The following IFNL3 variants were observed in gnomAD, a reference collection of about 807,000 sequenced individuals.
IFNL3 encodes the protein interferon lambda-3.
In IFNL3, 16 loss-of-function variants were observed where a neutral mutation model predicts 16.3. That is an observed-to-expected ratio of 0.98 (90% CI 0.67 to 1.50). The LOEUF (loss-of-function observed/expected upper bound fraction) is 1.50. IFNL3 is among the 40% of genes most tolerant of loss of function. The probability of loss-of-function intolerance (pLI) is 0.00; values close to 1 mark genes in which losing one functional copy is unlikely to be tolerated. For synonymous variants in IFNL3, 115 were observed against 115.3 expected, an observed-to-expected ratio of 1.00 and a Z score of 0.02; for missense variants, 254 against 253.5, an observed-to-expected ratio of 1.00 and a Z score of -0.01.
rs201120334 is a variant in IFNL3, at chr19:39,244,195, T to C, written c.259-38A>G. The C allele has an allele frequency of 5.6e-5, 90 of 1,604,318 alleles. No homozygotes were observed. The South Asian group carries it at 9.8e-4, about 18-fold the overall frequency. The stretch of plus-strand genomic sequence containing the variant: ...GAGAAAGAGCAGGTGAGGGGGGAGG[T>C]GAGGGGAACAGGTTGGGGGAGGAGG... On this transcript the variant is annotated intron_variant, in intron 2 of 4. Coordinates refer to ENST00000413851, the MANE Select transcript of IFNL3 (RefSeq NM_172139.4).
rs768807826 is a variant in IFNL3, at chr19:39,244,838, A to G, written c.130T>C (p.Ser44Pro). 5.6e-6 allele frequency: 9 copies of G among 1,613,770 alleles called. No individual in the cohort carries two copies. The highest frequency in any genetic ancestry group is 7.6e-6 in the Non-Finnish European group (9 of 1,179,844). The change falls in exon 1 of 5, where the codon TCC becomes CCC. Residue 44 changes from serine (S) to proline (P), a missense_variant. By Grantham distance (74) the Ser-to-Pro change is moderately conservative. Coordinates refer to ENST00000413851, the MANE Select transcript of IFNL3 (RefSeq NM_172139.4). The part of the protein sequence containing the change: ...ARGCHIAQFK[S>P]LSPQELQAFK... ...GCCTGCAGCTCCTGTGGAGACAGGGACTTGAACTGGGCTATGTGGCAGCCC... is the reference window on the plus strand; with the variant it reads ...GCCTGCAGCTCCTGTGGAGACAGGGGCTTGAACTGGGCTATGTGGCAGCCC...
rs1439341764 is a variant in IFNL3 at position 39,244,647 on chromosome 19, C to T, written c.180+141G>A. On this transcript the variant is annotated intron_variant, in intron 1 of 4. Coordinates refer to ENST00000413851, the MANE Select transcript of IFNL3 (RefSeq NM_172139.4). ...TTCTTCAGGAAAACATGAGTCAGTCCCTGCAGTAGGAGCATGAGATAGCCC... is the reference window on the plus strand; with the variant it reads ...TTCTTCAGGAAAACATGAGTCAGTCTCTGCAGTAGGAGCATGAGATAGCCC... The T allele has an allele frequency of 2.9e-6, 4 of 1,378,414 alleles. No individual in the cohort carries two copies. The East Asian group carries it at 7.4e-5, about 26-fold the overall frequency. 85.4% of individuals were successfully genotyped at this position (1,378,414 alleles called of 1,614,324 possible). A position where few individuals can be genotyped will look rare whatever the true frequency, so the allele number is the denominator to read the frequency against.
upstream of IFNL3, chr19:39,245,175 C>T (rs201278888): frequency 4.7e-4 from 476 of 1,012,942 alleles, 3 homozygotes; most frequent in African/African-American, 7.3e-3. Flanking sequence ...TTTCAGTCCC[C>T]TCTTCTGGAT....
At position 39,244,042 on chromosome 19, in the gene IFNL3, G is replaced by T. The variant is rs2074929503; in HGVS notation, c.374C>A (p.Thr125Asn). Residue 125 changes from threonine (T) to asparagine (N), a missense_variant, in exon 3 of 5, where the codon ACC becomes AAC. Transcript: ENST00000413851. ...LGDVLDQPLH[T>N]LHHILSQLRA... Reference sequence around the variant, plus strand: ...GAGCTGGGAGAGGATATGGTGCAGGGTGTGAAGGGGCTGGTCCAAGACATC... The same window carrying T: ...GAGCTGGGAGAGGATATGGTGCAGGTTGTGAAGGGGCTGGTCCAAGACATC... The T allele has an allele frequency of 1.2e-6, 2 of 1,614,218 alleles. No individual in the cohort carries two copies. Among genetic ancestry groups the T allele is most frequent in the Non-Finnish European group, 1.7e-6 (2 of 1,180,048 alleles).
intron 2 of IFNL3, 115 bp downstream of exon 2, chr19:39,244,302 A>T (rs567075689): frequency 6.8e-7 from 1 of 1,471,700 alleles, no homozygotes; most frequent in African/African-American, 1.4e-5. Flanking sequence ...GGGAAGGGGT[A>T]GCAGGTGTGG....
In IFNL3 at chr19:39,244,662, T is replaced by C. The variant is rs2074935418; in HGVS notation, c.180+126A>G. 34 of 1,368,640 alleles carry C rather than the reference T, an allele frequency of 2.5e-5. 1 individual carries two copies. The South Asian group carries it at 4.6e-4, about 18-fold the overall frequency. The allele number at this position is 1,368,640 out of a possible 1,614,324, so 84.8% of individuals were successfully genotyped here. ...TGAGTCAGTCCCTGCAGTAGGAGCA[T>C]GAGATAGCCCACTGCAGGGAGGGTG... On this transcript the variant is annotated intron_variant, in intron 1 of 4. Transcript: ENST00000413851.
chr19:39,243,558 G>A lies in IFNL3; in HGVS notation c.*74C>T, dbSNP rs1000017325. 8.2e-6 allele frequency: 12 copies of A among 1,459,424 alleles called. No homozygotes were observed. Among genetic ancestry groups the A allele is most frequent in the African/African-American group, 4.3e-5 (3 of 70,538 alleles). The allele number at this position is 1,459,424 out of a possible 1,614,324, so 90.4% of individuals were successfully genotyped here. On this transcript the variant is annotated 3_prime_UTR_variant, in exon 5 of 5. Transcript: ENST00000413851. The stretch of plus-strand genomic sequence containing the variant: ...TTACATACACAAATACATAAATAGC[G>A]ACTGGGTGACAATAAATTAAGCCAA...
At position 39,244,975 on chromosome 19, in the gene IFNL3, T is replaced by A. The variant is rs775284197; in HGVS notation, c.-8A>T. ...CATGCAGTCCCCGGTCATGTCTGTG[T>A]CACAGAGAGAAAGGGAGCTGAGGGA... On this transcript the variant is annotated 5_prime_UTR_variant, in exon 1 of 5. Coordinates refer to ENST00000413851, the MANE Select transcript of IFNL3 (RefSeq NM_172139.4). The A allele has an allele frequency of 3.7e-6, 6 of 1,613,898 alleles. No homozygotes were observed. In the Admixed American group the frequency reaches 8.3e-5, roughly 22 times the overall value.
intron 3 of IFNL3, 24 bp from the exon 4 acceptor site, chr19:39,243,931 G>A (rs759548501): frequency 1.6e-5 from 25 of 1,611,920 alleles, no homozygotes; most frequent in Non-Finnish European, 2.0e-5. Context: ...AGGGCGGTGT[G>A]TGAGCCGGGG....
Position 39,244,088 on chromosome 19 carries a change from C to A in IFNL3, c.328G>T (p.Asp110Tyr). Reference protein sequence around the residue: ...LTLKVLEATADTDPALGDVLD... With the variant: ...LTLKVLEATAYTDPALGDVLD... The stretch of plus-strand genomic sequence containing the variant: ...ACATCCCCCAGGGCTGGGTCAGTGT[C>A]AGCGGTGGCCTCCAGAACCTTCAGC... Residue 110 changes from aspartate to tyrosine, a missense_variant, in exon 3 of 5, where the codon GAC becomes TAC. Coordinates refer to ENST00000413851, the MANE Select transcript of IFNL3 (RefSeq NM_172139.4). 2 of 1,614,146 alleles carry A rather than the reference C, an allele frequency of 1.2e-6. No homozygotes were observed. Among genetic ancestry groups the A allele is most frequent in the South Asian group, 2.2e-5 (2 of 91,080 alleles).
At position 39,243,674 on chromosome 19, in the gene IFNL3, C is replaced by A. The variant is rs201746548; in HGVS notation, c.549G>T (p.Thr183=). The A allele has an allele frequency of 2.5e-6, 4 of 1,606,360 alleles. No individual in the cohort carries two copies. The African/African-American group carries it at 5.4e-5, about 21-fold the overall frequency. Residue 183 remains threonine, a synonymous_variant, in exon 5 of 5, where the codon ACG becomes ACT. Transcript: ENST00000413851. ...SVTFNLFRLL[T]RDLNCVASGD... ...CGCTGGCAACACAATTCAGGTCTCG[C>A]GTGAGGAGGCGGAAGAGGTTGAAGG...
intron 2 of IFNL3, 75 bp from the exon 3 acceptor site, chr19:39,244,232 C>T: frequency 6.3e-7 from 1 of 1,584,386 alleles, no homozygotes; most frequent in East Asian, 2.3e-5. Context: ...TAGAGAGGAA[C>T]AAGTGAAGGT....
rs201228830 is a variant in IFNL3 at position 39,244,943 on chromosome 19, G to A, written c.25C>T (p.Leu9=). The A allele has an allele frequency of 1.1e-5, 17 of 1,613,888 alleles. No individual in the cohort carries two copies. The highest frequency in any genetic ancestry group is 3.3e-4 in the Middle Eastern group (2 of 6,078). Residue 9 remains leucine (L), a synonymous_variant, in exon 1 of 5, where the codon CTG becomes TTG. Transcript: ENST00000413851. ...GTCAGCACTGCGGCCATCAGCACCA[G>A]CACTGGCATGCAGTCCCCGGTCATG... MTGDCMPV[L]VLMAAVLTVT... is the part of the protein sequence containing the mutation.
In IFNL3 at chr19:39,243,917, G is replaced by T. The variant is rs772361828; in HGVS notation, c.409-10C>A. On this transcript the variant is annotated splice_polypyrimidine_tract_variant and intron_variant, in intron 3 of 4. Coordinates refer to ENST00000413851, the MANE Select transcript of IFNL3 (RefSeq NM_172139.4). ...TGGGCTGAGGCTGGATCTGTGGGCAGAGGAGGGCGGTGTGTGAGCCGGGGC... is the reference window on the plus strand; with the variant it reads ...TGGGCTGAGGCTGGATCTGTGGGCATAGGAGGGCGGTGTGTGAGCCGGGGC... The T allele has an allele frequency of 4.3e-6, 7 of 1,612,562 alleles. No individual in the cohort carries two copies. Among genetic ancestry groups the T allele is most frequent in the African/African-American group, 1.3e-5 (1 of 74,938 alleles).
At chr19:39,243,497 T>C (rs1457502702), downstream of IFNL3, 10 of 1,077,694 alleles carry the variant, frequency 9.3e-6, no homozygotes, top group Non-Finnish European at 1.2e-5. Flanking sequence ...TTTCAAAAAG[T>C]AGAAAAATAA....
chr19:39,244,567 T>C (rs2074934660), intron 1 of IFNL3, 73 bp from the exon 2 acceptor site: 8 of 1,506,164 alleles, frequency 5.3e-6, no homozygotes, highest in South Asian at 3.6e-5. Context: ...GATTGGAGGA[T>C]GGCTGACAAC....
rs528511184 is a variant in IFNL3 at position 39,243,874 on chromosome 19, G to A, written c.442C>T (p.Arg148Trp). 23 of 1,613,762 alleles carry A rather than the reference G, an allele frequency of 1.4e-5. No individual in the cohort carries two copies. The highest frequency in any genetic ancestry group is 8.9e-5 in the East Asian group (4 of 44,880). The change falls in exon 4 of 5, where the codon CGG becomes TGG. Residue 148 changes from arginine to tryptophan, a missense_variant. Coordinates refer to ENST00000413851, the MANE Select transcript of IFNL3 (RefSeq NM_172139.4). The part of the protein sequence containing the change: ...QPQPTAGPRT[R>W]GRLHHWLHRL... ...TGCAGCCAATGGTGGAGGCGGCCCC[G>A]GGTCCTGGGCCCTGCCGTGGGCTGA...
Position 39,244,888 on chromosome 19 carries a change from A to T in IFNL3, c.80T>A (p.Leu27His), listed in dbSNP as rs549676428. Reference protein sequence around the residue: ...TVTGAVPVARLRGALPDARGC... With the variant: ...TVTGAVPVARHRGALPDARGC... ...CCTTGCATCCGGGAGAGCCCCGCGG[A>T]GCCTGGCGACAGGAACTGCTCCAGT... Residue 27 changes from leucine (L) to histidine (H), a missense_variant, in exon 1 of 5, where the codon CTC becomes CAC. Leu to His is a moderately conservative substitution (Grantham distance 99). Transcript: ENST00000413851. 1.8e-5 allele frequency: 29 copies of T among 1,613,942 alleles called. No individual in the cohort carries two copies. The Admixed American group carries it at 3.5e-4, about 19-fold the overall frequency.
At chr19:39,244,186 G>A (rs200419716) in intron 2 of IFNL3, 29 bp from the exon 3 acceptor site, 34 of 1,612,942 alleles carry the variant, frequency 2.1e-5, no homozygotes, top group East Asian at 4.5e-5. Flanking sequence ...GAGCAGGTGA[G>A]GGGGGAGGTG....
Sources: gnomAD v4.1 joint callset for allele counts on GRCh38, gnomAD v4.1.1 for gene constraint, MANE v1.5 for transcripts, NCBI Gene and HGNC (gene_info 2026-07-23, HGNC 2026-07-21) for gene names.